BNC2: variants seen among roughly 807,000 people sequenced by gnomAD.
The protein encoded by BNC2 is zinc finger protein basonuclin-2.
In BNC2, 20 loss-of-function variants were observed where a neutral mutation model predicts 76.3. The ratio of observed to expected loss-of-function variants is 0.26; its 90% CI spans 0.18 to 0.38. The LOEUF is 0.38. Among genes scored for constraint, BNC2 ranks in the 10% least tolerant of loss-of-function variants. The pLI is 1.00. For synonymous variants in BNC2, 582 were observed against 514.8 expected (o/e 1.13, Z -1.77); for missense variants, 1,382 against 1,399.8 (o/e 0.99, Z 0.20).
chr9:16,453,189 T>A (rs1055276668), intron 5 of BNC2, among the ~76,000 whole-genome samples: 5 of 152,196 alleles, frequency 3.3e-5, no homozygotes, highest in Admixed American at 6.5e-5. Context: ...ATGTATTCTG[T>A]TCATCTATAC....
At chr9:16,634,477 A>T (rs1473275821) in intron 3 of BNC2, among the ~76,000 whole-genome samples, 1 of 151,182 alleles carries the variant, frequency 6.6e-6, no homozygotes, top group Non-Finnish European at 1.5e-5. Context: ...CACCAAATTT[A>T]TCCTATAATT....
intron 3 of BNC2, among the ~76,000 whole-genome samples, chr9:16,595,274 ATC>A (rs1820035272): frequency 6.6e-6 from 1 of 152,174 alleles, no homozygotes; most frequent in Admixed American, 6.6e-5. Flanking sequence ...TATCATAATT[ATC>A]TCTGATTATA....
At chr9:16,845,080 A>G (rs572526895) in intron 1 of BNC2, among the ~76,000 whole-genome samples, 1 of 152,296 alleles carries the variant, frequency 6.6e-6, no homozygotes, top group East Asian at 1.9e-4. Flanking sequence ...CAGCGAACTG[A>G]TGAGTAGGAA....
chr9:16,467,822 T>TA (rs1457440690), intron 5 of BNC2, among the ~76,000 whole-genome samples: 10 of 141,856 alleles, frequency 7.0e-5, no homozygotes, highest in Non-Finnish European at 1.2e-4. Flanking sequence ...CCCTAAAACT[T>TA]AGAGTATAAT....
intron 3 of BNC2, among the ~76,000 whole-genome samples, chr9:16,587,480 C>G (rs771967015): frequency 2.6e-5 from 4 of 152,092 alleles, no homozygotes; most frequent in Non-Finnish European, 4.4e-5. Flanking sequence ...CCTTTCCTGT[C>G]TTTTATTCTC....
intron 3 of BNC2, among the ~76,000 whole-genome samples, chr9:16,636,293 T>C (rs1392924045): frequency 6.6e-6 from 1 of 152,102 alleles, no homozygotes; most frequent in African/African-American, 2.4e-5. Context: ...GATGCAAGTT[T>C]TTAGGTGAAG....
At chr9:16,684,933 C>T (rs1822931553) in intron 3 of BNC2, among the ~76,000 whole-genome samples, 1 of 151,772 alleles carries the variant, frequency 6.6e-6, no homozygotes, top group Non-Finnish European at 1.5e-5. Flanking sequence ...TGCTAATATA[C>T]TCCTATTACA....
chr9:16,660,427 C>A (rs117498204), intron 3 of BNC2, among the ~76,000 whole-genome samples: 2 of 150,054 alleles, frequency 1.3e-5, no homozygotes, highest in Admixed American at 6.6e-5. Flanking sequence ...GCACTCCAGA[C>A]TGGGCCATAA....
chr9:16,788,958 T>G (rs1817424234), intron 1 of BNC2, among the ~76,000 whole-genome samples: 1 of 152,192 alleles, frequency 6.6e-6, no homozygotes, highest in Non-Finnish European at 1.5e-5. Context: ...CTCTACTCCA[T>G]TAGCACCTGG....
In BNC2 at chr9:16,448,983, A is replaced by G. The variant is rs537548676; in HGVS notation, c.670-11459T>C. Among the ~76,000 whole-genome samples, 178 of 152,316 alleles carry G rather than the reference A, an allele frequency of 1.2e-3. 3 individuals carry two copies. Among genetic ancestry groups the G allele is most frequent in the Admixed American group, 0.011 (163 of 15,282 alleles). Reference sequence around the variant, plus strand: ...AAGCCACTATCAACGTAGAGATTATATATTTTATTGGGCCACAAAAGAGAG... The same window carrying G: ...AAGCCACTATCAACGTAGAGATTATGTATTTTATTGGGCCACAAAAGAGAG... On this transcript the variant is annotated intron_variant, in intron 5 of 6. Coordinates refer to ENST00000380672, the MANE Select transcript of BNC2 (RefSeq NM_017637.6).
rs1817680174 is a variant in BNC2, at chr9:16,523,354, C to G, written c.669+29176G>C. Among the ~76,000 whole-genome samples, 3 of 151,622 alleles carry G rather than the reference C, an allele frequency of 2.0e-5. No homozygotes were observed. In the South Asian group the frequency reaches 6.3e-4, roughly 32 times the overall value. Reference sequence around the variant, plus strand: ...GGCAGGGTGGCAGGCGCCTGTGGTCCCAGCTACTTGGGAGGCTAAGGCAGG... The same window carrying G: ...GGCAGGGTGGCAGGCGCCTGTGGTCGCAGCTACTTGGGAGGCTAAGGCAGG... On this transcript the variant is annotated intron_variant, in intron 5 of 6. Transcript: ENST00000380672.
intron 1 of BNC2, among the ~76,000 whole-genome samples, chr9:16,818,163 G>A (rs1434428634): frequency 1.3e-5 from 2 of 152,184 alleles, no homozygotes; most frequent in African/African-American, 4.8e-5. Flanking sequence ...CCAGCACTTT[G>A]GGAGGCGGAG....
In BNC2 at chr9:16,435,968, C is replaced by T. The variant is rs778305183; in HGVS notation, c.2226G>A (p.Glu742=). 1 of 1,614,190 alleles carries T rather than the reference C, an allele frequency of 6.2e-7. No homozygotes were observed. The highest frequency in any genetic ancestry group is 1.1e-5 in the South Asian group (1 of 91,088). Residue 742 remains glutamate (E), a synonymous_variant, in exon 6 of 7, where the codon GAG becomes GAA. Transcript: ENST00000380672. ...TTTCACTCACTTCGCTGTGAATGTG[C>T]TCATCCCCTTCCATGGATTCCTCGC... The part of the protein sequence containing the change: ...KLGEESMEGD[E]HIHSEVSEKV...
At position 16,415,240 on chromosome 9, in the gene BNC2, T is replaced by G. The variant is rs902838574; in HGVS notation, c.*3749A>C. 6.6e-6 allele frequency: 1 copy of G among 152,582 alleles called. No individual in the cohort carries two copies. Among genetic ancestry groups the G allele is most frequent in the Non-Finnish European group, 1.5e-5 (1 of 68,046 alleles). 9.5% of individuals were successfully genotyped at this position (152,582 alleles called of 1,614,324 possible). A position where few individuals can be genotyped will look rare whatever the true frequency, so the allele number is the denominator to read the frequency against. ...GAATGCCAAGGATTTTTATCACACT[T>G]TTAAACCAAATTCCTCATTATCTAT... On this transcript the variant is annotated 3_prime_UTR_variant, in exon 7 of 7. Coordinates refer to ENST00000380672, the MANE Select transcript of BNC2 (RefSeq NM_017637.6).
At chr9:16,768,214 C>G (rs767868953) in intron 1 of BNC2, among the ~76,000 whole-genome samples, 1 of 152,078 alleles carries the variant, frequency 6.6e-6, no homozygotes, top group Non-Finnish European at 1.5e-5. Flanking sequence ...GATCCACCCA[C>G]CTCAGCGTCC....
chr9:16,727,473 G>A (rs1000543897), intron 3 of BNC2: 1 of 282,710 alleles, frequency 3.5e-6, no homozygotes. Context: ...TTGGGAGGTG[G>A]CTTTTTTCAT....
At chr9:16,546,950 C>G (rs1818502683) in intron 5 of BNC2, among the ~76,000 whole-genome samples, 1 of 152,138 alleles carries the variant, frequency 6.6e-6, no homozygotes, top group Non-Finnish European at 1.5e-5. Flanking sequence ...TATGTATAAG[C>G]CTGGGTGCTG....
At chr9:16,866,177 T>C (rs781106976) in intron 1 of BNC2, among the ~76,000 whole-genome samples, 31 of 152,276 alleles carry the variant, frequency 2.0e-4, no homozygotes, top group South Asian at 4.1e-4. Flanking sequence ...TAATGGAAAG[T>C]GGTAAATATG....
intron 2 of BNC2, among the ~76,000 whole-genome samples, chr9:16,732,162 A>AAAAAAAAAAAAAAG (rs59888253): frequency 0.068 from 8,365 of 123,446 alleles, 977 homozygotes; most frequent in African/African-American, 0.22. Flanking sequence ...TCCTGCAAAA[A>AAAAAAAAAAAAAAG]AAAAAGAAAA....
Sources: gnomAD v4.1 joint callset for allele counts (sites outside exome capture counted in the v4.1 genomes callset) on GRCh38, gnomAD v4.1.1 for gene constraint, MANE v1.5 for transcripts, NCBI Gene and HGNC (gene_info 2026-07-23, HGNC 2026-07-21) for gene names.